Variants in AGBL4 observed in about 807,000 individuals in gnomAD.
AGBL4 encodes cytosolic carboxypeptidase 6.
A neutral mutation model predicts 66.4 loss-of-function variants in AGBL4; 58 were observed. The observed-to-expected ratio is 0.87, with a 90% CI of 0.71 to 1.09. The LOEUF (loss-of-function observed/expected upper bound fraction) is 1.09. Among genes scored for constraint, AGBL4 ranks in the 50% least tolerant of loss-of-function variants. The probability of loss-of-function intolerance (pLI) is 0.00; values close to 1 mark genes in which losing one functional copy is unlikely to be tolerated. For missense variants in AGBL4, 579 were observed against 631.0 expected, an observed-to-expected ratio of 0.92 and a Z score of 0.88; for synonymous variants, 234 against 222.9, an observed-to-expected ratio of 1.05 and a Z score of -0.44.
chr1:48,964,617 G>C (rs767211544), intron 5 of AGBL4, among the ~76,000 whole-genome samples: 2 of 152,084 alleles, frequency 1.3e-5, no homozygotes, highest in African/African-American at 4.8e-5. Flanking sequence ...GAAGTTCAGT[G>C]ACTTATCCAA....
chr1:48,640,059 T>C (rs1645730279), intron 8 of AGBL4, among the ~76,000 whole-genome samples: 1 of 152,146 alleles, frequency 6.6e-6, no homozygotes, highest in Non-Finnish European at 1.5e-5. Context: ...TTGGTGCTCT[T>C]GTATTCTATT....
chr1:49,472,985 C>T (rs1203056486), intron 3 of AGBL4, among the ~76,000 whole-genome samples: 1 of 152,008 alleles, frequency 6.6e-6, no homozygotes, highest in Non-Finnish European at 1.5e-5. Context: ...CATGTTGCGG[C>T]AAAGAACATT....
At chr1:49,390,482 T>C (rs1208270070) in intron 3 of AGBL4, among the ~76,000 whole-genome samples, 1 of 152,212 alleles carries the variant, frequency 6.6e-6, no homozygotes, top group Non-Finnish European at 1.5e-5. Flanking sequence ...AGGAAGAAAC[T>C]GTGTGTATTA....
At chr1:49,489,597 A>G (rs1312734336) in intron 3 of AGBL4, among the ~76,000 whole-genome samples, 1 of 151,852 alleles carries the variant, frequency 6.6e-6, no homozygotes, top group African/African-American at 2.4e-5. Flanking sequence ...GTATTACTCA[A>G]GAAATCTTTG....
At position 49,876,874 on chromosome 1, in the gene AGBL4, A is replaced by G. The variant is rs371962395; in HGVS notation, c.35-25356T>C. Among the ~76,000 whole-genome samples the G allele has an allele frequency of 1.3e-5, 2 of 150,080 alleles. 1 individual carries two copies. Among genetic ancestry groups the G allele is most frequent in the African/African-American group, 4.9e-5 (2 of 40,576 alleles). ...AGTTCTCCTTGAAGAGGTCCTTCAC[A>G]TCCCTTGTAAGTTGGATTCCTAGGT... On this transcript the variant is annotated intron_variant, in intron 1 of 13. Transcript: ENST00000371839.
intron 4 of AGBL4, among the ~76,000 whole-genome samples, chr1:49,185,442 A>T (rs1409386035): frequency 1.3e-5 from 2 of 152,228 alleles, no homozygotes; most frequent in African/African-American, 4.8e-5. Flanking sequence ...AGGACCAGTT[A>T]GATGTCACCA....
chr1:49,389,426 A>G (rs1644802118), intron 3 of AGBL4, among the ~76,000 whole-genome samples: 1 of 152,158 alleles, frequency 6.6e-6, no homozygotes, highest in Admixed American at 6.6e-5. Context: ...AAAACTAAGT[A>G]CTATTACTCT....
At chr1:49,459,347 C>T (rs555454966) in intron 3 of AGBL4, among the ~76,000 whole-genome samples, 2 of 151,784 alleles carry the variant, frequency 1.3e-5, no homozygotes, top group East Asian at 1.9e-4. Context: ...TTGTATATTT[C>T]CAGGAATTTA....
At chr1:49,554,383 T>A (rs1023947499) in intron 3 of AGBL4, among the ~76,000 whole-genome samples, 1 of 152,174 alleles carries the variant, frequency 6.6e-6, no homozygotes, top group Non-Finnish European at 1.5e-5. Flanking sequence ...ACATTTTTTT[T>A]TATACTGAGC....
At chr1:48,849,482 C>A (rs1381109604) in intron 6 of AGBL4, among the ~76,000 whole-genome samples, 2 of 152,190 alleles carry the variant, frequency 1.3e-5, no homozygotes, top group Non-Finnish European at 2.9e-5. Flanking sequence ...ATATTTATCT[C>A]ATTGTGGACA....
At chr1:48,682,715 G>C (rs1646474063) in intron 6 of AGBL4, among the ~76,000 whole-genome samples, 1 of 152,162 alleles carries the variant, frequency 6.6e-6, no homozygotes, top group Non-Finnish European at 1.5e-5. Flanking sequence ...TCTCAGAGGA[G>C]ATAATACTAT....
rs1053314619 is a variant in AGBL4 at position 48,757,521 on chromosome 1, G to C, written c.635-94280C>G. ...GTCCAGCCTATGAATTGAGTGACTA[G>C]AGTTGAGACAGAACTCTACCTCTGC... On this transcript the variant is annotated intron_variant, in intron 6 of 13. Transcript: ENST00000371839. 8.5e-5 allele frequency among the ~76,000 whole-genome samples: 13 copies of C among 152,260 alleles called. No individual in the cohort carries two copies. In the South Asian group the frequency reaches 2.5e-3, roughly 29 times the overall value.
At chr1:49,396,779 C>T (rs1244996722) in intron 3 of AGBL4, among the ~76,000 whole-genome samples, 3 of 152,120 alleles carry the variant, frequency 2.0e-5, no homozygotes, top group Admixed American at 6.6e-5. Flanking sequence ...AAGAAAAAAG[C>T]CCCAGACATT....
At chr1:49,820,433 A>G (rs1466654735) in intron 2 of AGBL4, among the ~76,000 whole-genome samples, 1 of 152,184 alleles carries the variant, frequency 6.6e-6, no homozygotes, top group Non-Finnish European at 1.5e-5. Context: ...GATTATTCCT[A>G]AAGGATTGAG....
chr1:48,993,687 G>T (rs1196607981), intron 5 of AGBL4, among the ~76,000 whole-genome samples: 1 of 152,158 alleles, frequency 6.6e-6, no homozygotes, highest in South Asian at 2.1e-4. Context: ...TGGAATTGAT[G>T]ATTCCTCTCT....
chr1:49,198,865 G>A (rs942406367), intron 4 of AGBL4, among the ~76,000 whole-genome samples: 1 of 151,582 alleles, frequency 6.6e-6, no homozygotes, highest in Non-Finnish European at 1.5e-5. Context: ...TATTTGGCCC[G>A]TCTACCTATT....
chr1:49,059,475 C>T (rs913427836), intron 4 of AGBL4, among the ~76,000 whole-genome samples: 9 of 152,252 alleles, frequency 5.9e-5, no homozygotes, highest in African/African-American at 2.2e-4. Flanking sequence ...CACGGAGAAA[C>T]TCTGCTAGGG....
chr1:49,094,857 T>C (rs1645066104), intron 4 of AGBL4, among the ~76,000 whole-genome samples: 1 of 152,028 alleles, frequency 6.6e-6, no homozygotes, highest in African/African-American at 2.4e-5. Flanking sequence ...CAGAAGGAAA[T>C]AAAGGGTATT....
chr1:49,761,439 C>A (rs1399652408), intron 2 of AGBL4, among the ~76,000 whole-genome samples: 3 of 152,118 alleles, frequency 2.0e-5, no homozygotes, highest in African/African-American at 4.8e-5. Context: ...GAGCTCTAAT[C>A]CAACACATTA....
Sources: gnomAD v4.1 joint callset for allele counts (sites outside exome capture counted in the v4.1 genomes callset) on GRCh38, gnomAD v4.1.1 for gene constraint, MANE v1.5 for transcripts, NCBI Gene and HGNC (gene_info 2026-07-23, HGNC 2026-07-21) for gene names.